Variants in PAPPA2 observed in about 807,000 individuals in gnomAD.
PAPPA2 encodes the protein pappalysin 2, also known as pappalysin-2.
Under a neutral mutation model 176.4 loss-of-function variants are expected in PAPPA2, and 86 were observed. That is an observed-to-expected ratio of 0.49 (90% CI 0.41 to 0.58). PAPPA2 has a LOEUF of 0.58. PAPPA2 is among the 20% of genes least tolerant of loss of function. PAPPA2 has a pLI of 0.00. For synonymous variants in PAPPA2, 809 were observed against 852.2 expected (o/e 0.95, Z 0.88); for missense variants, 2,073 against 2,256.9 (o/e 0.92, Z 1.65).
intron 1 of PAPPA2, among the ~76,000 whole-genome samples, chr1:176,534,865 C>T (rs1377794220): frequency 6.6e-6 from 1 of 152,148 alleles, no homozygotes; most frequent in Non-Finnish European, 1.5e-5. Flanking sequence ...GGAAGGTTAG[C>T]AAACAGTTGG....
At chr1:176,603,856 A>G (rs776291407) in intron 3 of PAPPA2, among the ~76,000 whole-genome samples, 1 of 152,090 alleles carries the variant, frequency 6.6e-6, no homozygotes, top group Non-Finnish European at 1.5e-5. Context: ...AATCAGAGTA[A>G]TCCTATTAGG....
chr1:176,580,402 T>C (rs1243842535), intron 2 of PAPPA2, among the ~76,000 whole-genome samples: 1 of 152,256 alleles, frequency 6.6e-6, no homozygotes, highest in African/African-American at 2.4e-5. Context: ...TCTTTATCTA[T>C]TCATCCGTTG....
intron 3 of PAPPA2, among the ~76,000 whole-genome samples, chr1:176,620,931 T>C (rs1268667023): frequency 6.6e-6 from 1 of 152,148 alleles, no homozygotes; most frequent in Non-Finnish European, 1.5e-5. Flanking sequence ...GACTCTATAC[T>C]AAAGGTACAT....
At chr1:176,583,055 A>G (rs1269929207) in intron 2 of PAPPA2, among the ~76,000 whole-genome samples, 1 of 152,038 alleles carries the variant, frequency 6.6e-6, no homozygotes, top group African/African-American at 2.4e-5. Flanking sequence ...ATAGTTTCTA[A>G]TGATATTTTG....
intron 3 of PAPPA2, among the ~76,000 whole-genome samples, chr1:176,632,051 A>G (rs10913223): frequency 0.17 from 26,529 of 152,150 alleles, 2,467 homozygotes; most frequent in Middle Eastern, 0.24. Flanking sequence ...CTGTTTTCTC[A>G]TTAAGCTAGG....
At position 176,664,086 on chromosome 1, in the gene PAPPA2, T is replaced by C. The variant is rs142546477; in HGVS notation, c.1992-6884T>C. 4.6e-5 allele frequency among the ~76,000 whole-genome samples: 7 copies of C among 152,322 alleles called. No homozygotes were observed. The East Asian group carries it at 1.4e-3, about 29-fold the overall frequency. Reference sequence around the variant, plus strand: ...TGATACCATCTTTTAAAGCCAGATGTTCACTCTCTTTATGCTCTTTTATTT... The same window carrying C: ...TGATACCATCTTTTAAAGCCAGATGCTCACTCTCTTTATGCTCTTTTATTT... On this transcript the variant is annotated intron_variant, in intron 3 of 22. Coordinates refer to ENST00000367662, the MANE Select transcript of PAPPA2 (RefSeq NM_020318.3).
chr1:176,800,846 A>G (rs756531321), intron 21 of PAPPA2, among the ~76,000 whole-genome samples: 8 of 152,164 alleles, frequency 5.3e-5, no homozygotes, highest in Non-Finnish European at 1.0e-4. Flanking sequence ...CCTGTTGTCC[A>G]CTGTTGATTA....
At position 176,842,747 on chromosome 1, in the gene PAPPA2, A is replaced by G. The variant is rs1427998281; in HGVS notation, c.*293A>G. ...GACCCTCCTCCCTCACTTATATTCT[A>G]TTAAATCCTATCCTCAACTCTTGCC... On this transcript the variant is annotated 3_prime_UTR_variant, in exon 23 of 23. Transcript: ENST00000367662. 5.8e-6 allele frequency: 2 copies of G among 347,486 alleles called. No individual in the cohort carries two copies. The highest frequency in any genetic ancestry group is 1.1e-5 in the Non-Finnish European group (2 of 186,028). The allele number at this position is 347,486 out of a possible 1,614,324, so 21.5% of individuals were successfully genotyped here.
chr1:176,521,403 A>G (rs1649208298), intron 1 of PAPPA2, among the ~76,000 whole-genome samples: 1 of 152,156 alleles, frequency 6.6e-6, no homozygotes, highest in Non-Finnish European at 1.5e-5. Flanking sequence ...CATTAGCAGG[A>G]AACCAAGTCT....
chr1:176,659,059 C>T (rs186412743), intron 3 of PAPPA2, among the ~76,000 whole-genome samples: 32 of 151,920 alleles, frequency 2.1e-4, no homozygotes, highest in Admixed American at 3.3e-4. Context: ...AAGCAACTAG[C>T]AGAATTTTTA....
intron 1 of PAPPA2, among the ~76,000 whole-genome samples, chr1:176,490,105 T>C (rs1208361058): frequency 6.6e-6 from 1 of 151,992 alleles, no homozygotes; most frequent in African/African-American, 2.4e-5. Flanking sequence ...GTAAGTCCTT[T>C]GGGAGTTTTG....
intron 1 of PAPPA2, among the ~76,000 whole-genome samples, chr1:176,512,221 C>CAAAAAAA (rs58968098): frequency 1.9e-5 from 2 of 105,738 alleles, no homozygotes; most frequent in Non-Finnish European, 3.8e-5. Flanking sequence ...ACTAAATTTG[C>CAAAAAAA]AAAAAAAAAA....
chr1:176,740,888 G>A (rs539012072), intron 14 of PAPPA2, among the ~76,000 whole-genome samples: 17 of 152,114 alleles, frequency 1.1e-4, no homozygotes, highest in South Asian at 2.1e-4. Flanking sequence ...AGGTGACAGG[G>A]TTCATTCCTC....
At position 176,711,841 on chromosome 1, in the gene PAPPA2, A is replaced by C; in HGVS notation, c.3658A>C (p.Thr1220Pro). The change falls in exon 12 of 23, where the codon ACA (threonine) becomes CCA (proline). Residue 1220 changes from threonine to proline, a missense_variant. Physicochemically the swap from Thr to Pro is conservative, Grantham distance 38 (BLOSUM62 -1). Around this residue, in one of 4 missense-constraint regions of PAPPA2, gnomAD observed 846 missense variants for 857.9 expected, o/e 0.99. Transcript: ENST00000367662. The stretch of plus-strand genomic sequence containing the variant: ...GGTTGAAATTGTATTTCAGATTTGC[A>C]CATCATACCATCCAGATTTACCCAA... ...VTGEPHSLIC[T>P]SYHPDLPNHR... is the part of the protein sequence containing the mutation. 6 of 1,602,562 alleles carry C rather than the reference A, an allele frequency of 3.7e-6. No individual in the cohort carries two copies. Among genetic ancestry groups the C allele is most frequent in the Non-Finnish European group, 5.1e-6 (6 of 1,170,164 alleles).
At position 176,712,431 on chromosome 1, in the gene PAPPA2, A is replaced by G. The variant is rs935289807; in HGVS notation, c.3798+450A>G. On this transcript the variant is annotated intron_variant, in intron 12 of 22. Coordinates refer to ENST00000367662, the MANE Select transcript of PAPPA2 (RefSeq NM_020318.3). ...CTGTTTTTGAAATTTATAGGAAAAC[A>G]CTTTACAGTATGTACTCTTTGCAAC... Among the ~76,000 whole-genome samples, 7 of 152,302 alleles carry G rather than the reference A, an allele frequency of 4.6e-5. No homozygotes were observed. The East Asian group carries it at 9.6e-4, about 21-fold the overall frequency.
intron 17 of PAPPA2, among the ~76,000 whole-genome samples, chr1:176,784,149 T>C (rs1234375263): frequency 6.6e-6 from 1 of 152,226 alleles, no homozygotes; most frequent in African/African-American, 2.4e-5. Flanking sequence ...TAGAATGTTT[T>C]ACATGGAGGG....
At chr1:176,590,719 C>CT (rs1558457205) in intron 2 of PAPPA2, among the ~76,000 whole-genome samples, 1 of 152,014 alleles carries the variant, frequency 6.6e-6, no homozygotes, top group Non-Finnish European at 1.5e-5. Context: ...GGTGATATAA[C>CT]TTTTTTTTGA....
intron 1 of PAPPA2, among the ~76,000 whole-genome samples, chr1:176,482,617 T>G (rs1652458031): frequency 6.6e-6 from 1 of 152,172 alleles, no homozygotes; most frequent in Admixed American, 6.6e-5. Flanking sequence ...AATTTGTTAT[T>G]TTTTTCCTGG....
At chr1:176,734,518 A>G (rs1662307039) in intron 12 of PAPPA2, among the ~76,000 whole-genome samples, 1 of 152,106 alleles carries the variant, frequency 6.6e-6, no homozygotes, top group African/African-American at 2.4e-5. Flanking sequence ...GCAGGGGCTC[A>G]AACATCAGAA....
Sources: allele counts gnomAD v4.1 joint callset (sites outside exome capture counted in the v4.1 genomes callset), GRCh38; gene constraint gnomAD v4.1.1; regional missense constraint gnomAD v4.1.1; transcripts MANE v1.5; gene names NCBI Gene and HGNC (gene_info 2026-07-23, HGNC 2026-07-21).